Variants in PUM2 observed in about 807,000 individuals in gnomAD.
PUM2 encodes the protein pumilio RNA binding family member 2.
A neutral mutation model predicts 124.5 loss-of-function variants in PUM2; 57 were observed. The observed-to-expected ratio is 0.46, with a 90% CI of 0.37 to 0.57. The LOEUF is 0.57. PUM2 is among the 20% of genes least tolerant of loss of function. The pLI is 0.00. For synonymous variants in PUM2, 460 were observed against 446.1 expected (o/e 1.03, Z -0.39); for missense variants, 1,065 against 1,290.6 (o/e 0.83, Z 2.68).
chr2:20,287,132 A>G (rs1469220333), intron 10 of PUM2, among the ~76,000 whole-genome samples: 1 of 152,234 alleles, frequency 6.6e-6, no homozygotes, highest in Non-Finnish European at 1.5e-5. Flanking sequence ...CTAAAATGCC[A>G]TTTACTTTAA....
At chr2:20,348,481 CAG>C (rs1688677446) in intron 1 of PUM2, among the ~76,000 whole-genome samples, 1 of 152,176 alleles carries the variant, frequency 6.6e-6, no homozygotes, top group African/African-American at 2.4e-5. Context: ...TAAAACTATG[CAG>C]ATCATGTTAG....
chr2:20,311,997 TTA>T (rs1229011975), intron 4 of PUM2, among the ~76,000 whole-genome samples: 2 of 152,178 alleles, frequency 1.3e-5, no homozygotes, highest in African/African-American at 4.8e-5. Context: ...ATTTTACAGA[TTA>T]TGTTTAAAAA....
At chr2:20,333,879 G>A (rs1253023398) in intron 1 of PUM2, among the ~76,000 whole-genome samples, 1 of 152,122 alleles carries the variant, frequency 6.6e-6, no homozygotes, top group African/African-American at 2.4e-5. Context: ...CATCCCCTCA[G>A]TGCTACTCTT....
At chr2:20,315,850 A>AAC (rs1680788346) in intron 3 of PUM2, among the ~76,000 whole-genome samples, 1 of 151,482 alleles carries the variant, frequency 6.6e-6, no homozygotes, top group South Asian at 2.1e-4. Flanking sequence ...AAAAAAAAAA[A>AAC]AAAAAAAACA....
At chr2:20,317,016 G>A (rs1681107030) in intron 3 of PUM2, among the ~76,000 whole-genome samples, 1 of 152,010 alleles carries the variant, frequency 6.6e-6, no homozygotes, top group South Asian at 2.1e-4. Context: ...GGGCCACAGA[G>A]CGAGACTCTG....
chr2:20,324,504 T>C (rs987144347), intron 2 of PUM2, among the ~76,000 whole-genome samples: 1 of 152,182 alleles, frequency 6.6e-6, no homozygotes, highest in Non-Finnish European at 1.5e-5. Flanking sequence ...ATTTAAAAAA[T>C]AAGCAGAAAC....
chr2:20,350,587 A>C lies in PUM2; in HGVS notation c.-19+10T>G. On this transcript the variant is annotated intron_variant, in intron 1 of 20. Coordinates refer to ENST00000361078, the MANE Select transcript of PUM2 (RefSeq NM_015317.5). ...AGGACCGGAGAAAGAGCGAACGCGG[A>C]CTGACTTACAGGGCTGCTGCGGCCG... 1 of 985,418 alleles carries C rather than the reference A, an allele frequency of 1.0e-6. No homozygotes were observed. The highest frequency in any genetic ancestry group is 4.7e-5 in the South Asian group (1 of 21,292). The allele number at this position is 985,418 out of a possible 1,614,324, so 61.0% of individuals were successfully genotyped here. A position where few individuals can be genotyped will look rare whatever the true frequency, so the allele number is the denominator to read the frequency against.
At chr2:20,264,385 T>A (rs1465977276) in intron 13 of PUM2, among the ~76,000 whole-genome samples, 2 of 115,344 alleles carry the variant, frequency 1.7e-5, no homozygotes, top group East Asian at 2.5e-4. Context: ...TATATATATA[T>A]ATATATATAT....
At chr2:20,343,970 G>C (rs575781768) in intron 1 of PUM2, among the ~76,000 whole-genome samples, 137 of 152,242 alleles carry the variant, frequency 9.0e-4, no homozygotes, top group Middle Eastern at 3.4e-3. Context: ...TTCTTAGATG[G>C]AGCATTATTG....
intron 13 of PUM2, among the ~76,000 whole-genome samples, chr2:20,265,063 C>A (rs1434266192): frequency 1.3e-5 from 2 of 152,060 alleles, no homozygotes; most frequent in African/African-American, 2.4e-5. Context: ...GCCTGACCAA[C>A]ATGGTGAAAT....
chr2:20,328,124 A>C (rs1684103995), intron 1 of PUM2, among the ~76,000 whole-genome samples: 1 of 152,190 alleles, frequency 6.6e-6, no homozygotes, highest in South Asian at 2.1e-4. Flanking sequence ...ACTTGAGGTC[A>C]AGAGTTTGAG....
Position 20,318,476 on chromosome 2 carries a change from C to T in PUM2, c.160+61G>A, listed in dbSNP as rs181793469. The T allele has an allele frequency of 1.7e-4, 246 of 1,416,180 alleles. 1 individual carries two copies. Among genetic ancestry groups the T allele is most frequent in the Non-Finnish European group, 5.1e-5 (52 of 1,021,844 alleles). 87.7% of individuals were successfully genotyped at this position (1,416,180 alleles called of 1,614,324 possible). ...GAGACTCACTCTAAAAAAAAAGGTG[C>T]ATTATGACTTATAAAATGCTAAATA... On this transcript the variant is annotated intron_variant, in intron 3 of 20. Coordinates refer to ENST00000361078, the MANE Select transcript of PUM2 (RefSeq NM_015317.5).
At chr2:20,278,999 T>G (rs763433511) in intron 12 of PUM2, among the ~76,000 whole-genome samples, 180 bp from the exon 13 acceptor site, 8 of 152,142 alleles carry the variant, frequency 5.3e-5, no homozygotes, top group Non-Finnish European at 1.2e-4. Flanking sequence ...AGGGTATAAA[T>G]GCACCCCAAT....
At chr2:20,338,240 C>T (rs9306891) in intron 1 of PUM2, among the ~76,000 whole-genome samples, 54,763 of 151,824 alleles carry the variant, frequency 0.36, 9,992 homozygotes, top group Middle Eastern at 0.43. Flanking sequence ...CTACTACAAA[C>T]ACAAAAATTA....
chr2:20,252,232 A>T (rs147997397), intron 20 of PUM2, among the ~76,000 whole-genome samples: 56 of 152,326 alleles, frequency 3.7e-4, no homozygotes, highest in African/African-American at 1.3e-3. Context: ...CAGACTGGGC[A>T]ACATAGCGAG....
intron 7 of PUM2, among the ~76,000 whole-genome samples, chr2:20,299,631 G>A (rs1289614126): frequency 6.6e-6 from 1 of 152,130 alleles, no homozygotes; most frequent in Non-Finnish European, 1.5e-5. Context: ...TCACACCACT[G>A]CAGTCCAGCC....
At chr2:20,278,141 A>T (rs1460673701) in intron 13 of PUM2, among the ~76,000 whole-genome samples, 1 of 152,208 alleles carries the variant, frequency 6.6e-6, no homozygotes, top group Non-Finnish European at 1.5e-5. Context: ...TGAAATAATT[A>T]TCTGGTAAAA....
chr2:20,341,334 CA>C (rs570539860), intron 1 of PUM2, among the ~76,000 whole-genome samples: 28 of 152,058 alleles, frequency 1.8e-4, no homozygotes, highest in African/African-American at 6.3e-4. Context: ...AAAAATAAGC[CA>C]AACTCAACAA....
intron 7 of PUM2, among the ~76,000 whole-genome samples, chr2:20,303,048 A>G (rs947495040): frequency 3.3e-5 from 5 of 152,186 alleles, no homozygotes; most frequent in Admixed American, 6.5e-5. Flanking sequence ...CAATTACTTA[A>G]TAATCTCAAA....
Sources: allele counts gnomAD v4.1 joint callset (sites outside exome capture counted in the v4.1 genomes callset), GRCh38; gene constraint gnomAD v4.1.1; transcripts MANE v1.5; gene names NCBI Gene and HGNC (gene_info 2026-07-23, HGNC 2026-07-21).